TRHDE: variants seen among roughly 807,000 people sequenced by gnomAD.
The protein encoded by TRHDE is thyrotropin-releasing hormone-degrading ectoenzyme.
A neutral mutation model predicts 125.7 loss-of-function variants in TRHDE; 72 were observed. That is an observed-to-expected ratio of 0.57 (90% CI 0.47 to 0.70). The LOEUF (loss-of-function observed/expected upper bound fraction) is 0.70, where lower values mean the gene tolerates loss of function less well. TRHDE is among the 30% of genes least tolerant of loss of function. The probability of loss-of-function intolerance (pLI) is 0.00; values close to 1 mark genes in which losing one functional copy is unlikely to be tolerated. For synonymous variants in TRHDE, 509 were observed against 509.1 expected (o/e 1.00, Z 0.00); for missense variants, 1,110 against 1,327.1 (o/e 0.84, Z 2.54).
intron 2 of TRHDE, among the ~76,000 whole-genome samples, chr12:72,176,194 C>T (rs546305366): frequency 6.6e-6 from 1 of 151,708 alleles, no homozygotes; most frequent in South Asian, 2.1e-4. Flanking sequence ...CTAACTCTAC[C>T]AAAAAAAAGA....
At chr12:72,219,619 T>C (rs768451876) in intron 2 of TRHDE, among the ~76,000 whole-genome samples, 11 of 152,220 alleles carry the variant, frequency 7.2e-5, no homozygotes, top group South Asian at 4.1e-4. Context: ...TGAGAGAAAC[T>C]GCATAGACAA....
chr12:72,315,526 A>G (rs1158516710), intron 2 of TRHDE, among the ~76,000 whole-genome samples: 2 of 152,244 alleles, frequency 1.3e-5, no homozygotes, highest in Non-Finnish European at 2.9e-5. Context: ...TTAAAACAGT[A>G]AAGTGCTGCA....
chr12:72,088,502 G>A (rs769123344), intron 1 of TRHDE, among the ~76,000 whole-genome samples: 16 of 151,974 alleles, frequency 1.1e-4, no homozygotes, highest in Non-Finnish European at 2.2e-4. Context: ...TAGCAGTTTA[G>A]CATTCTAGAT....
chr12:72,452,181 A>G (rs1875613101), intron 3 of TRHDE, among the ~76,000 whole-genome samples: 1 of 137,744 alleles, frequency 7.3e-6, no homozygotes, highest in Non-Finnish European at 1.5e-5. Flanking sequence ...GGTTATATTT[A>G]TTCCTGAGGT....
At chr12:72,155,724 A>G (rs1262134169) in intron 2 of TRHDE, among the ~76,000 whole-genome samples, 1 of 152,190 alleles carries the variant, frequency 6.6e-6, no homozygotes, top group Non-Finnish European at 1.5e-5. Context: ...GTGAACAGCA[A>G]ACGTTGCTGC....
At chr12:72,377,797 T>C (rs1205891624) in intron 2 of TRHDE, among the ~76,000 whole-genome samples, 198 bp from the exon 3 acceptor site, 1 of 152,134 alleles carries the variant, frequency 6.6e-6, no homozygotes, top group Non-Finnish European at 1.5e-5. Context: ...TGTGACTTGC[T>C]CTCCTTGGTT....
chr12:72,328,164 G>C (rs1235158721), intron 2 of TRHDE, among the ~76,000 whole-genome samples: 1 of 152,132 alleles, frequency 6.6e-6, no homozygotes, highest in African/African-American at 2.4e-5. Flanking sequence ...TTCTGAAATT[G>C]ATGCTAGTTT....
chr12:72,134,138 A>G (rs981807505), intron 2 of TRHDE, among the ~76,000 whole-genome samples: 2 of 152,144 alleles, frequency 1.3e-5, no homozygotes, highest in African/African-American at 4.8e-5. Context: ...TCTCTCCAGG[A>G]TTTGGATTAG....
chr12:72,665,667 C>A lies in TRHDE; in HGVS notation c.*2472C>A, dbSNP rs75993723. The stretch of plus-strand genomic sequence containing the variant: ...AGAGTTTTTATCTTTTCTTTTTTGT[C>A]GGCTTTACAAATTATATGTATGCAT... On this transcript the variant is annotated 3_prime_UTR_variant, in exon 19 of 19. Coordinates refer to ENST00000261180, the MANE Select transcript of TRHDE (RefSeq NM_013381.3). 1 of 151,694 alleles carries A rather than the reference C, an allele frequency of 6.6e-6. No individual in the cohort carries two copies. Among genetic ancestry groups the A allele is most frequent in the African/African-American group, 2.4e-5 (1 of 41,320 alleles). The allele number at this position is 151,694 out of a possible 1,614,324, so 9.4% of individuals were successfully genotyped here. A position where few individuals can be genotyped will look rare whatever the true frequency, so the allele number is the denominator to read the frequency against.
intron 2 of TRHDE, among the ~76,000 whole-genome samples, chr12:72,140,755 C>A (rs148899423): frequency 6.6e-6 from 1 of 152,126 alleles, no homozygotes; most frequent in Non-Finnish European, 1.5e-5. Flanking sequence ...TCTCTGCTGC[C>A]CATTTTCCCT....
chr12:72,141,094 G>C (rs1259452244), intron 2 of TRHDE, among the ~76,000 whole-genome samples: 4 of 151,824 alleles, frequency 2.6e-5, no homozygotes, highest in African/African-American at 9.7e-5. Context: ...TTTAATATTT[G>C]GGGCCTACTT....
At position 72,662,166 on chromosome 12, in the gene TRHDE, T is replaced by C. The variant is rs73316865; in HGVS notation, c.3067-886T>C. On this transcript the variant is annotated intron_variant, in intron 18 of 18. Coordinates refer to ENST00000261180, the MANE Select transcript of TRHDE (RefSeq NM_013381.3). ...ATGTGGTGCCCACCATATGATGAATTACACCCCACACTAATTACACCACAT... is the reference window on the plus strand; with the variant it reads ...ATGTGGTGCCCACCATATGATGAATCACACCCCACACTAATTACACCACAT... Among the ~76,000 whole-genome samples, 361 of 152,262 alleles carry C rather than the reference T, an allele frequency of 2.4e-3. 3 individuals carry two copies. Among genetic ancestry groups the C allele is most frequent in the African/African-American group, 8.2e-3 (340 of 41,570 alleles).
chr12:72,333,798 A>AT, intron 2 of TRHDE, among the ~76,000 whole-genome samples: 1 of 152,278 alleles, frequency 6.6e-6, no homozygotes, highest in South Asian at 2.1e-4. Context: ...ATCTCTTAAT[A>AT]TTTTTCTGTT....
intron 12 of TRHDE, among the ~76,000 whole-genome samples, chr12:72,613,966 CTT>C (rs1181437895): frequency 1.3e-5 from 2 of 152,050 alleles, no homozygotes; most frequent in Non-Finnish European, 2.9e-5. Context: ...CCTCAGGAAA[CTT>C]TTACTCATGG....
At chr12:72,632,026 A>ATTCTAT (rs1440337121) in intron 15 of TRHDE, among the ~76,000 whole-genome samples, 3 of 151,960 alleles carry the variant, frequency 2.0e-5, no homozygotes, top group African/African-American at 7.2e-5. Flanking sequence ...GAAGAATACA[A>ATTCTAT]AAGATGATGA....
intron 6 of TRHDE, among the ~76,000 whole-genome samples, chr12:72,534,230 G>C (rs923047738): frequency 1.3e-5 from 2 of 152,178 alleles, no homozygotes; most frequent in African/African-American, 4.8e-5. Context: ...GTAGTTGTGA[G>C]AAGGAGACAA....
chr12:72,153,957 C>T (rs1461163749), intron 2 of TRHDE, among the ~76,000 whole-genome samples: 2 of 152,128 alleles, frequency 1.3e-5, no homozygotes, highest in Non-Finnish European at 2.9e-5. Flanking sequence ...TCCTTGTTAA[C>T]TTTCTGTCTC....
At chr12:72,569,358 T>C (rs1870612635) in intron 10 of TRHDE, among the ~76,000 whole-genome samples, 1 of 152,202 alleles carries the variant, frequency 6.6e-6, no homozygotes, top group African/African-American at 2.4e-5. Flanking sequence ...TTATGTAACA[T>C]TTCATTTAGA....
intron 2 of TRHDE, among the ~76,000 whole-genome samples, chr12:72,187,790 A>G (rs1287052384): frequency 6.6e-6 from 1 of 152,122 alleles, no homozygotes; most frequent in African/African-American, 2.4e-5. Flanking sequence ...ATCACATCCA[A>G]CTTCTGAGAG....
Sources: allele counts gnomAD v4.1 joint callset (sites outside exome capture counted in the v4.1 genomes callset), GRCh38; gene constraint gnomAD v4.1.1; transcripts MANE v1.5; gene names NCBI Gene and HGNC (gene_info 2026-07-23, HGNC 2026-07-21).